Variants in PKN2 observed in about 807,000 individuals in gnomAD.
PKN2 encodes serine/threonine-protein kinase N2.
PKN2 carries 38 observed loss-of-function variants against 119.1 expected under a neutral mutation model. The observed-to-expected ratio is 0.32, with a 90% CI of 0.25 to 0.42. The LOEUF (loss-of-function observed/expected upper bound fraction) is 0.42, where lower values mean the gene tolerates loss of function less well. Ranked by LOEUF, PKN2 falls within the 10% of genes least tolerant of loss-of-function variation. PKN2 has a pLI of 1.00. For missense variants in PKN2, 850 were observed against 1,165.1 expected (o/e 0.73, Z 3.94); for synonymous variants, 390 against 384.9 (o/e 1.01, Z -0.15).
chr1:88,819,377 C>T (rs1371530534), intron 16 of PKN2, among the ~76,000 whole-genome samples: 1 of 152,112 alleles, frequency 6.6e-6, no homozygotes, highest in Non-Finnish European at 1.5e-5. Context: ...TGAACAGACA[C>T]TTCTCAAGAC....
In PKN2 at chr1:88,771,653, C is replaced by T. The variant is rs1354209164; in HGVS notation, c.769-10C>T. On this transcript the variant is annotated splice_polypyrimidine_tract_variant and intron_variant, in intron 5 of 21. Transcript: ENST00000370521. ...TTTAAATGACAACAATTGTCTTTTC[C>T]CTGTGCAAGGCTCAAGCAAGATTTA... 1.2e-6 allele frequency: 2 copies of T among 1,609,108 alleles called. No homozygotes were observed. The highest frequency in any genetic ancestry group is 1.1e-5 in the South Asian group (1 of 90,792).
chr1:88,787,416 T>C (rs1349497459), intron 8 of PKN2, among the ~76,000 whole-genome samples: 1 of 152,220 alleles, frequency 6.6e-6, no homozygotes, highest in Non-Finnish European at 1.5e-5. Context: ...ATTTAGAATC[T>C]TGCCATTATT....
chr1:88,770,767 A>G (rs1021266370), intron 4 of PKN2, among the ~76,000 whole-genome samples: 1 of 150,948 alleles, frequency 6.6e-6, no homozygotes, highest in Non-Finnish European at 1.5e-5. Flanking sequence ...TTGTATTTTT[A>G]GTAGAGACGG....
intron 1 of PKN2, among the ~76,000 whole-genome samples, chr1:88,713,636 TC>T (rs2100690625): frequency 6.6e-6 from 1 of 152,344 alleles, no homozygotes; most frequent in East Asian, 1.9e-4. Context: ...TTGATTTTTT[TC>T]TTGTAAATTT....
intron 15 of PKN2, among the ~76,000 whole-genome samples, chr1:88,812,413 C>G (rs11799901): frequency 0.067 from 10,164 of 152,096 alleles, 698 homozygotes; most frequent in African/African-American, 0.18. Context: ...ATAAATTCAC[C>G]CATAATGAAT....
chr1:88,699,241 T>C (rs939885349), intron 1 of PKN2, among the ~76,000 whole-genome samples: 2 of 152,158 alleles, frequency 1.3e-5, no homozygotes, highest in Admixed American at 6.6e-5. Context: ...TTTTCTCTGT[T>C]TTGGGAGATT....
At chr1:88,704,096 A>G (rs927768301) in intron 1 of PKN2, among the ~76,000 whole-genome samples, 6 of 152,190 alleles carry the variant, frequency 3.9e-5, no homozygotes, top group Non-Finnish European at 7.3e-5. Context: ...AATATAATGA[A>G]CATATTTACC....
chr1:88,734,388 G>C (rs755324320), intron 1 of PKN2, among the ~76,000 whole-genome samples: 2 of 152,064 alleles, frequency 1.3e-5, no homozygotes, highest in Non-Finnish European at 2.9e-5. Flanking sequence ...TTTTGTCTGT[G>C]GTGAGAGATA....
intron 6 of PKN2, among the ~76,000 whole-genome samples, chr1:88,778,773 G>A (rs2100817198): frequency 6.6e-6 from 1 of 152,044 alleles, no homozygotes; most frequent in East Asian, 1.9e-4. Context: ...GAGTGCAGTG[G>A]CGTGATCTCC....
intron 1 of PKN2, among the ~76,000 whole-genome samples, chr1:88,691,656 C>CT (rs1666339380): frequency 6.6e-6 from 1 of 152,166 alleles, no homozygotes; most frequent in South Asian, 2.1e-4. Context: ...TTCTATCCGT[C>CT]TATTTCCACC....
At chr1:88,737,025 C>T (rs887381809) in intron 1 of PKN2, among the ~76,000 whole-genome samples, 9 of 152,138 alleles carry the variant, frequency 5.9e-5, no homozygotes, top group Admixed American at 2.0e-4. Flanking sequence ...TGTACCTGTT[C>T]CCCTCTCATT....
At chr1:88,714,679 C>T (rs1043330468) in intron 1 of PKN2, among the ~76,000 whole-genome samples, 13 of 152,114 alleles carry the variant, frequency 8.5e-5, no homozygotes, top group South Asian at 4.1e-4. Context: ...GGGGCTGAGA[C>T]GATGGGGTTT....
chr1:88,736,876 T>A (rs1668368961), intron 1 of PKN2, among the ~76,000 whole-genome samples: 1 of 152,232 alleles, frequency 6.6e-6, no homozygotes, highest in Non-Finnish European at 1.5e-5. Flanking sequence ...TGGTTTGTGT[T>A]CTGGCCCAGA....
chr1:88,799,272 T>G (rs1312638566), intron 8 of PKN2, among the ~76,000 whole-genome samples: 1 of 152,194 alleles, frequency 6.6e-6, no homozygotes, highest in African/African-American at 2.4e-5. Flanking sequence ...CTTAATAGTC[T>G]CCATTATCTC....
chr1:88,738,463 C>G lies in PKN2; in HGVS notation c.49-2525C>G, dbSNP rs78423566. Among the ~76,000 whole-genome samples the G allele has an allele frequency of 4.8e-3, 726 of 152,176 alleles. 2 individuals are homozygous for G. The highest frequency in any genetic ancestry group is 0.016 in the African/African-American group (682 of 41,512). ...AGGAGAAAGGAGAGATGGTGCATAC[C>G]AAAGGTGAAGCATGCTTAGTGGCTG... On this transcript the variant is annotated intron_variant, in intron 1 of 21. Transcript: ENST00000370521.
intron 1 of PKN2, among the ~76,000 whole-genome samples, chr1:88,699,118 T>G (rs1035885138): frequency 6.6e-6 from 1 of 152,136 alleles, no homozygotes; most frequent in Non-Finnish European, 1.5e-5. Flanking sequence ...CCCTGACCCC[T>G]CTTCTGCATA....
intron 6 of PKN2, among the ~76,000 whole-genome samples, chr1:88,774,850 G>A (rs1223815538): frequency 1.3e-5 from 2 of 151,826 alleles, no homozygotes; most frequent in African/African-American, 4.8e-5. Context: ...CTAGGAGTAC[G>A]GGAACGTGCC....
rs193111510 is a variant in PKN2 at position 88,796,243 on chromosome 1, A to G, written c.1282-8148A>G. ...AAAATTTGAAATCCCAAATCCTCCA[A>G]TGAGCATTGCCTTTCATTGTCATAT... On this transcript the variant is annotated intron_variant, in intron 8 of 21. Coordinates refer to ENST00000370521, the MANE Select transcript of PKN2 (RefSeq NM_006256.4). Among the ~76,000 whole-genome samples the G allele has an allele frequency of 4.2e-4, 64 of 152,298 alleles. No individual in the cohort carries two copies. In the East Asian group the frequency reaches 0.01, roughly 24 times the overall value.
At chr1:88,734,696 T>G (rs1242841289) in intron 1 of PKN2, among the ~76,000 whole-genome samples, 1 of 152,180 alleles carries the variant, frequency 6.6e-6, no homozygotes, top group Non-Finnish European at 1.5e-5. Context: ...TGTCTTTCTT[T>G]ATGGTTAGGT....
Sources: gnomAD v4.1 joint callset for allele counts (sites outside exome capture counted in the v4.1 genomes callset) on GRCh38, gnomAD v4.1.1 for gene constraint, MANE v1.5 for transcripts, NCBI Gene and HGNC (gene_info 2026-07-23, HGNC 2026-07-21) for gene names.